Variants in ZNF695 observed in about 807,000 individuals in gnomAD.
ZNF695 encodes the protein zinc finger protein 695, also known as zinc finger protein SBZF3.
A neutral mutation model predicts 11.2 loss-of-function variants in ZNF695; 11 were observed. The observed-to-expected ratio is 0.98, with a 90% CI of 0.62 to 1.62. The LOEUF is 1.62. Ranked by LOEUF, ZNF695 falls within the 40% of genes most tolerant of loss-of-function variation. The pLI is 0.00. For synonymous variants in ZNF695, 190 were observed against 201.4 expected, an observed-to-expected ratio of 0.94 and a Z score of 0.48; for missense variants, 559 against 590.5, an observed-to-expected ratio of 0.95 and a Z score of 0.55.
chr1:246,983,885 G>A (rs570649538), downstream of ZNF695, among the ~76,000 whole-genome samples: 1 of 152,040 alleles, frequency 6.6e-6, no homozygotes, highest in Non-Finnish European at 1.5e-5. Context: ...CAGGCCAGGT[G>A]TGGCTCATAC....
chr1:246,973,733 G>C (rs1668486919), intron 4 of ZNF695, among the ~76,000 whole-genome samples: 1 of 152,172 alleles, frequency 6.6e-6, no homozygotes, highest in Admixed American at 6.5e-5. Context: ...TTATAGATGA[G>C]AAAAGCGAAG....
intron 4 of ZNF695, among the ~76,000 whole-genome samples, chr1:246,972,366 T>C (rs1334376670): frequency 1.3e-5 from 2 of 152,222 alleles, no homozygotes; most frequent in South Asian, 4.1e-4. Context: ...ATTCTGATTT[T>C]CCTTCCTTTC....
At chr1:246,992,513 A>G (rs150128522) in intron 3 of ZNF695, among the ~76,000 whole-genome samples, 1 of 152,324 alleles carries the variant, frequency 6.6e-6, no homozygotes, top group Non-Finnish European at 1.5e-5. Context: ...GACCATAGTC[A>G]AAGATAATTT....
At chr1:246,995,883 C>A in intron 3 of ZNF695, 4 of 261,118 alleles carry the variant, frequency 1.5e-5, no homozygotes, top group Non-Finnish European at 3.0e-5. Context: ...TAAAGGCAGA[C>A]AGTTAGGTCA....
Position 246,999,363 on chromosome 1 carries a change from T to C in ZNF695, c.244A>G (p.Thr82Ala), listed in dbSNP as rs764179044. ...TCCCACCTACCTGAGTGTCTGGCTG[T>C]CTTCTCTGTGTTCACGTTCCAGGGC... ...KEPWNVNTEK[T>A]ARHSVLSSYL... The change falls in exon 3 of 4, where the codon ACA (threonine) becomes GCA (alanine). Residue 82 changes from threonine (T) to alanine (A), a missense_variant. Coordinates refer to ENST00000339986, the MANE Select transcript of ZNF695 (RefSeq NM_020394.5). 1.7e-5 allele frequency: 28 copies of C among 1,613,834 alleles called. No individual in the cohort carries two copies. The highest frequency in any genetic ancestry group is 2.1e-5 in the Non-Finnish European group (25 of 1,179,882).
At chr1:246,951,024 C>T (rs1667859044) in intron 5 of ZNF695, among the ~76,000 whole-genome samples, 1 of 152,046 alleles carries the variant, frequency 6.6e-6, no homozygotes, top group African/African-American at 2.4e-5. Context: ...CTTCATGTCC[C>T]TTTTGTTACA....
rs543035030 is a variant in ZNF695 at position 246,996,746 on chromosome 1, T to C, written c.259+2602A>G. On this transcript the variant is annotated intron_variant, in intron 3 of 3. Coordinates refer to ENST00000339986, the MANE Select transcript of ZNF695 (RefSeq NM_020394.5). ...TAAAAATTAAAAATGAAAATCTTGG[T>C]GACATGCTAAATGAAGTAACCCAGT... is the stretch of plus-strand genomic sequence containing the variant. Among the ~76,000 whole-genome samples, 3 of 152,278 alleles carry C rather than the reference T, an allele frequency of 2.0e-5. No individual in the cohort carries two copies. In the East Asian group the frequency reaches 5.8e-4, roughly 29 times the overall value.
At chr1:246,959,310 AATATATATATATATATATATAT>A (rs1158852538) in intron 5 of ZNF695, among the ~76,000 whole-genome samples, 7,147 of 51,432 alleles carry the variant, frequency 0.14, 656 homozygotes, top group Middle Eastern at 0.17. Flanking sequence ...AAAAAAAAAA[AATATATATATATATATATATAT>A]ATATATATAT....
In ZNF695 at chr1:246,985,529, C is replaced by T. The variant is rs948610626; in HGVS notation, c.*1438G>A. ...ATTGTTACCATTTGTTACCTACAAC[C>T]GTAACTAAGGTGAGATAGGTTAACG... On this transcript the variant is annotated 3_prime_UTR_variant, in exon 4 of 4. Transcript: ENST00000339986. 9 of 985,304 alleles carry T rather than the reference C, an allele frequency of 9.1e-6. No individual in the cohort carries two copies. The highest frequency in any genetic ancestry group is 1.2e-4 in the Admixed American group (2 of 16,264). The allele number at this position is 985,304 out of a possible 1,614,324, so 61.0% of individuals were successfully genotyped here.
chr1:246,967,835 T>C (rs1450501232), intron 4 of ZNF695: 2 of 273,916 alleles, frequency 7.3e-6, no homozygotes, highest in Non-Finnish European at 7.4e-6. Context: ...CTATACACTT[T>C]TAAACAATCA....
Position 247,000,028 on chromosome 1 carries a change from T to A in ZNF695, c.50A>T (p.Glu17Val), listed in dbSNP as rs1468570074. The change falls in exon 2 of 4, where the codon GAG (glutamate) becomes GTG (valine). Residue 17 changes from glutamate (E) to valine (V), a missense_variant. Coordinates refer to ENST00000339986, the MANE Select transcript of ZNF695 (RefSeq NM_020394.5). ...RDVALEFSPE[E>V]WECLDPAQRS... ...CTGAGCTGGGTCCAGGCATTCCCACTCCTCTGGAGAGAATTCTAGAGCCAC... is the reference window on the plus strand; with the variant it reads ...CTGAGCTGGGTCCAGGCATTCCCACACCTCTGGAGAGAATTCTAGAGCCAC... 2 of 1,612,446 alleles carry A rather than the reference T, an allele frequency of 1.2e-6. No individual in the cohort carries two copies. Among genetic ancestry groups the A allele is most frequent in the Non-Finnish European group, 8.5e-7 (1 of 1,179,716 alleles).
At chr1:246,990,962 A>T (rs4971321) in intron 3 of ZNF695, among the ~76,000 whole-genome samples, 68 of 152,116 alleles carry the variant, frequency 4.5e-4, no homozygotes, top group African/African-American at 1.6e-3. Flanking sequence ...AAAGCAGTAC[A>T]AACAGGGAAG....
chr1:246,993,403 T>C (rs1669098915), intron 3 of ZNF695, among the ~76,000 whole-genome samples: 1 of 151,952 alleles, frequency 6.6e-6, no homozygotes. Flanking sequence ...TGAGAGACTC[T>C]GTCTCAAAAA....
intron 3 of ZNF695, among the ~76,000 whole-genome samples, chr1:246,994,268 C>T (rs1669128069): frequency 1.3e-5 from 2 of 152,106 alleles, no homozygotes; most frequent in Admixed American, 1.3e-4. Flanking sequence ...TGGCCAGACG[C>T]AGTGGCTCAC....
chr1:246,990,778 A>G (rs1332902091), intron 3 of ZNF695, among the ~76,000 whole-genome samples: 1 of 152,244 alleles, frequency 6.6e-6, no homozygotes, highest in Non-Finnish European at 1.5e-5. Flanking sequence ...TGTGACCTCA[A>G]TGGAATAAAA....
intron 5 of ZNF695, among the ~76,000 whole-genome samples, chr1:246,946,532 G>C (rs1165187761): frequency 6.6e-6 from 1 of 152,238 alleles, no homozygotes; most frequent in Non-Finnish European, 1.5e-5. Flanking sequence ...GGTGATGAGC[G>C]AGATGGCATC....
Position 246,987,156 on chromosome 1 carries a change from A to G in ZNF695, c.1359T>C (p.Asn453=). 6.2e-7 allele frequency: 1 copy of G among 1,600,322 alleles called. No homozygotes were observed. Among genetic ancestry groups the G allele is most frequent in the South Asian group, 1.1e-5 (1 of 89,578 alleles). ...KAFNWFSYLT[N]HKRIHTGEKP... ...TCTCTCCAGTATGAATTCTCTTATG[A>G]TTAGTAAGATATGAAAACCAGTTAA... Residue 453 remains asparagine (N), a synonymous_variant, in exon 4 of 4, where the codon AAT becomes AAC. Coordinates refer to ENST00000339986, the MANE Select transcript of ZNF695 (RefSeq NM_020394.5).
rs942342048 is a variant in ZNF695 at position 246,961,683 on chromosome 1, T to C, written c.488+6012A>G. 3.9e-5 allele frequency among the ~76,000 whole-genome samples: 6 copies of C among 152,352 alleles called. No homozygotes were observed. The South Asian group carries it at 1.2e-3, about 32-fold the overall frequency. ...GACCCAATTGTCACCCACTGGTCCC[T>C]GAGATAGGCAAAAGATGCTTTAGAC... On this transcript the variant is annotated intron_variant, in intron 5 of 5. Transcript: ENST00000487338.
At chr1:246,994,397 T>C (rs1319438870) in intron 3 of ZNF695, among the ~76,000 whole-genome samples, 1 of 151,864 alleles carries the variant, frequency 6.6e-6, no homozygotes, top group Non-Finnish European at 1.5e-5. Context: ...GAAAATTAGC[T>C]GGGCGTGGTG....
Sources: gnomAD v4.1 joint callset for allele counts (sites outside exome capture counted in the v4.1 genomes callset) on GRCh38, gnomAD v4.1.1 for gene constraint, MANE v1.5 for transcripts, NCBI Gene and HGNC (gene_info 2026-07-23, HGNC 2026-07-21) for gene names.